Variants in GRM8 observed in about 807,000 individuals in gnomAD.
GRM8 encodes metabotropic glutamate receptor 8.
In GRM8, 47 loss-of-function variants were observed where a neutral mutation model predicts 87.2. The observed-to-expected ratio is 0.54, with a 90% confidence interval of 0.43 to 0.69. The LOEUF (loss-of-function observed/expected upper bound fraction) is 0.69, where lower values mean the gene tolerates loss of function less well. GRM8 is among the 30% of genes least tolerant of loss of function. The pLI is 0.00. For synonymous variants in GRM8, 396 were observed against 404.5 expected, an observed-to-expected ratio of 0.98 and a Z score of 0.25; for missense variants, 1,019 against 1,139.2, an observed-to-expected ratio of 0.89 and a Z score of 1.52.
At chr7:126,612,265 A>T (rs1030249643) in intron 7 of GRM8, among the ~76,000 whole-genome samples, 1 of 152,218 alleles carries the variant, frequency 6.6e-6, no homozygotes, top group Non-Finnish European at 1.5e-5. Flanking sequence ...CAGTGAGCGT[A>T]TAAGTTTTCC....
intron 9 of GRM8, among the ~76,000 whole-genome samples, chr7:126,464,357 T>A (rs146263901): frequency 8.1e-4 from 123 of 151,788 alleles, no homozygotes; most frequent in Non-Finnish European, 9.1e-4. Flanking sequence ...TGAAGTGTGT[T>A]TCTTGTGGGC....
In GRM8 at chr7:126,788,709, G is replaced by A. The variant is rs537057190; in HGVS notation, c.1157-18644C>T. ...ACAATTAGCAGCAAACCACGAGAGC[G>A]TTTAATTAGACCTAGACTCTAGGAG... On this transcript the variant is annotated intron_variant, in intron 6 of 10. Transcript: ENST00000339582. Among the ~76,000 whole-genome samples, 8 of 150,596 alleles carry A rather than the reference G, an allele frequency of 5.3e-5. No individual in the cohort carries two copies. The East Asian group carries it at 1.4e-3, about 26-fold the overall frequency.
At chr7:127,209,255 C>G (rs151238881) in intron 2 of GRM8, among the ~76,000 whole-genome samples, 1 of 152,206 alleles carries the variant, frequency 6.6e-6, no homozygotes, top group Non-Finnish European at 1.5e-5. Context: ...CAGGGATACA[C>G]AGCAGTGGCT....
intron 6 of GRM8, among the ~76,000 whole-genome samples, chr7:126,880,642 T>C (rs935781339): frequency 6.6e-6 from 1 of 152,254 alleles, no homozygotes; most frequent in African/African-American, 2.4e-5. Flanking sequence ...ATGCATCACA[T>C]GGGCAAGAAT....
intron 2 of GRM8, among the ~76,000 whole-genome samples, chr7:127,189,717 T>C (rs1274847646): frequency 6.6e-6 from 1 of 152,206 alleles, no homozygotes; most frequent in African/African-American, 2.4e-5. Flanking sequence ...CATCTCTGTC[T>C]GGTTCATGAA....
At chr7:126,678,972 A>T (rs2151326707) in intron 7 of GRM8, among the ~76,000 whole-genome samples, 1 of 152,344 alleles carries the variant, frequency 6.6e-6, no homozygotes, top group Non-Finnish European at 1.5e-5. Flanking sequence ...CCACTTGAGT[A>T]CCTTTATCTA....
intron 6 of GRM8, among the ~76,000 whole-genome samples, chr7:126,829,846 G>T (rs1459869308): frequency 6.6e-6 from 1 of 152,148 alleles, no homozygotes; most frequent in Non-Finnish European, 1.5e-5. Flanking sequence ...GGTACCGGTT[G>T]TGCCTTTCCA....
chr7:126,702,037 T>C (rs1809991569), intron 7 of GRM8, among the ~76,000 whole-genome samples: 1 of 152,196 alleles, frequency 6.6e-6, no homozygotes, highest in Non-Finnish European at 1.5e-5. Flanking sequence ...CCAATGAGTG[T>C]CGTTTAGTGA....
intron 6 of GRM8, among the ~76,000 whole-genome samples, chr7:126,815,724 A>T (rs1793724473): frequency 6.6e-6 from 1 of 152,150 alleles, no homozygotes; most frequent in Non-Finnish European, 1.5e-5. Flanking sequence ...TCTTGGACCC[A>T]AAACATCTTA....
chr7:126,672,783 G>A (rs908777460), intron 7 of GRM8, among the ~76,000 whole-genome samples: 8 of 152,082 alleles, frequency 5.3e-5, no homozygotes, highest in East Asian at 1.9e-4. Flanking sequence ...TTCTAATAAC[G>A]TGGTGTATCT....
intron 9 of GRM8, among the ~76,000 whole-genome samples, chr7:126,492,502 G>A (rs972065848): frequency 1.3e-5 from 2 of 151,992 alleles, no homozygotes; most frequent in Admixed American, 1.3e-4. Flanking sequence ...TTACACAAGG[G>A]CATGGTCACA....
intron 8 of GRM8, among the ~76,000 whole-genome samples, chr7:126,575,974 C>G (rs1402364089): frequency 1.3e-5 from 2 of 152,110 alleles, no homozygotes; most frequent in African/African-American, 4.8e-5. Context: ...ATGGAGGCAA[C>G]CACTGTGTAA....
At chr7:126,845,782 A>C (rs1360098152) in intron 6 of GRM8, among the ~76,000 whole-genome samples, 1 of 152,152 alleles carries the variant, frequency 6.6e-6, no homozygotes, top group Non-Finnish European at 1.5e-5. Context: ...CCATTAAAAC[A>C]AGGAACAAAT....
At chr7:126,714,869 G>A (rs1362751247) in intron 7 of GRM8, among the ~76,000 whole-genome samples, 1 of 151,954 alleles carries the variant, frequency 6.6e-6, no homozygotes, top group African/African-American at 2.4e-5. Flanking sequence ...AATAAAGTAA[G>A]CTAGAGAAAA....
At chr7:126,842,669 A>G (rs949035381) in intron 6 of GRM8, among the ~76,000 whole-genome samples, 1 of 152,208 alleles carries the variant, frequency 6.6e-6, no homozygotes, top group Non-Finnish European at 1.5e-5. Flanking sequence ...GAGGCAGAAG[A>G]GCCAGACCAG....
chr7:126,781,189 CAACAT>C (rs1820036483), intron 6 of GRM8, among the ~76,000 whole-genome samples: 1 of 152,146 alleles, frequency 6.6e-6, no homozygotes, highest in Non-Finnish European at 1.5e-5. Flanking sequence ...AATGCATGGT[CAACAT>C]AGTGAGTTTG....
intron 3 of GRM8, among the ~76,000 whole-genome samples, chr7:127,050,023 T>A (rs1819315480): frequency 6.6e-6 from 1 of 152,106 alleles, no homozygotes; most frequent in Admixed American, 6.6e-5. Context: ...AGATATGGAT[T>A]TAACTTTGAG....
At chr7:126,761,034 T>C (rs1399106332) in intron 7 of GRM8, among the ~76,000 whole-genome samples, 1 of 151,768 alleles carries the variant, frequency 6.6e-6, no homozygotes, top group African/African-American at 2.4e-5. Flanking sequence ...CCGTCTCTAC[T>C]AAAATACAAA....
intron 3 of GRM8, among the ~76,000 whole-genome samples, chr7:127,057,669 T>G (rs148237123): frequency 6.6e-6 from 1 of 152,196 alleles, no homozygotes. Flanking sequence ...TTAGTTACAA[T>G]GTAATTTCAA....
Sources: gnomAD v4.1 joint callset for allele counts (sites outside exome capture counted in the v4.1 genomes callset) on GRCh38, gnomAD v4.1.1 for gene constraint, MANE v1.5 for transcripts, NCBI Gene and HGNC (gene_info 2026-07-23, HGNC 2026-07-21) for gene names.